Variants in CA5B observed in about 807,000 individuals in gnomAD.
CA5B encodes the protein carbonic anhydrase 5B, mitochondrial.
In CA5B, 15 loss-of-function variants were observed where a neutral mutation model predicts 23.1. The ratio of observed to expected loss-of-function variants is 0.65; its 90% CI spans 0.43 to 1.00. The LOEUF (loss-of-function observed/expected upper bound fraction) is 1.00, where lower values mean the gene tolerates loss of function less well. Ranked by LOEUF, CA5B falls within the 50% of genes least tolerant of loss-of-function variation. The pLI is 0.00. For missense variants in CA5B, 236 were observed against 252.2 expected, an observed-to-expected ratio of 0.94 and a Z score of 0.43; for synonymous variants, 84 against 98.5, an observed-to-expected ratio of 0.85 and a Z score of 0.87.
intron 7 of CA5B, among the ~76,000 whole-genome samples, chrX:15,779,938 A>G: frequency 8.9e-6 from 1 of 112,295 alleles, no homozygotes; most frequent in South Asian, 3.7e-4. Context: ...GATTTCAACA[A>G]AATTTTAAAA....
At chrX:15,777,927 G>A (rs1040719772) in intron 7 of CA5B, among the ~76,000 whole-genome samples, 1 of 110,789 alleles carries the variant, frequency 9.0e-6, no homozygotes. Context: ...GAAGTAGCCA[G>A]TACAGTTAGA....
chrX:15,752,541 C>A (rs923991257), intron 2 of CA5B, among the ~76,000 whole-genome samples: 4 of 109,855 alleles, frequency 3.6e-5, no homozygotes, highest in Non-Finnish European at 5.7e-5. Flanking sequence ...CTGGCTAACA[C>A]GGTGAAACCC....
chrX:15,739,061 G>A (rs1446368957), intron 1 of CA5B, among the ~76,000 whole-genome samples: 1 of 112,436 alleles, frequency 8.9e-6, no homozygotes, highest in Non-Finnish European at 1.9e-5. Flanking sequence ...GGCATTCAAT[G>A]TTAAATGCTT....
At chrX:15,741,075 C>A (rs772163347) in intron 1 of CA5B, among the ~76,000 whole-genome samples, 12 of 104,993 alleles carry the variant, frequency 1.1e-4, no homozygotes, top group Non-Finnish European at 2.2e-4. Context: ...TTTTCTTTTT[C>A]TTTTTTTTTT....
chrX:15,752,681 C>G (rs5936039), intron 2 of CA5B, among the ~76,000 whole-genome samples: 1 of 107,924 alleles, frequency 9.3e-6, no homozygotes, highest in Non-Finnish European at 1.9e-5. Context: ...GCCGAGATCG[C>G]GCCACTGCAC....
At chrX:15,749,017 G>A (rs1185525628) in intron 1 of CA5B, among the ~76,000 whole-genome samples, 1 of 112,434 alleles carries the variant, frequency 8.9e-6, no homozygotes, top group Non-Finnish European at 1.9e-5. Context: ...CAGGCCCAGA[G>A]CACATGGCCT....
intron 2 of CA5B, among the ~76,000 whole-genome samples, chrX:15,759,645 A>T (rs5936040): frequency 0.33 from 36,028 of 108,211 alleles, 4,455 homozygotes; most frequent in East Asian, 0.43. Context: ...ACCTAGGACT[A>T]CTCATATAAA....
In CA5B at chrX:15,777,189, A is replaced by T. The variant is rs1218178734; in HGVS notation, c.774+320A>T. On this transcript the variant is annotated intron_variant, in intron 7 of 7. Transcript: ENST00000318636. The stretch of plus-strand genomic sequence containing the variant: ...AAGACCCTTTTAAAGGGAAGAGTGA[A>T]GGCTGGAAATGAATGTGTTCAAAAC... Among the ~76,000 whole-genome samples the T allele has an allele frequency of 3.6e-5, 4 of 112,189 alleles. No homozygotes were observed. The Admixed American group carries it at 3.8e-4, about 11-fold the overall frequency.
intron 1 of CA5B, 84 bp from the exon 2 acceptor site, chrX:15,749,887 G>A: frequency 1.4e-6 from 1 of 735,932 alleles, no homozygotes; most frequent in Admixed American, 3.0e-5. Context: ...CTGCTAGTCT[G>A]AATATTGTCC....
Position 15,749,978 on chromosome X carries a change from A to T in CA5B, c.-46A>T. The T allele has an allele frequency of 8.3e-7, 1 of 1,198,703 alleles. No individual in the cohort carries two copies. The highest frequency in any genetic ancestry group is 3.0e-5 in the East Asian group (1 of 33,750). Reference sequence around the variant, plus strand: ...CTGCCCTCATCCCTCTAGATTATTAAGTTCCTGCAACTTAACTGGGAACTG... The same window carrying T: ...CTGCCCTCATCCCTCTAGATTATTATGTTCCTGCAACTTAACTGGGAACTG... On this transcript the variant is annotated 5_prime_UTR_variant, in exon 2 of 8. It adds an upstream start codon to the 5' untranslated region. Transcript: ENST00000318636.
intron 7 of CA5B, among the ~76,000 whole-genome samples, chrX:15,778,751 AAG>A (rs762557468): frequency 4.6e-5 from 5 of 109,562 alleles, no homozygotes; most frequent in Admixed American, 9.8e-5. Context: ...ATGGTGGCAG[AAG>A]AGAGAGAGAG....
intron 2 of CA5B, among the ~76,000 whole-genome samples, chrX:15,759,114 C>T (rs2316880): frequency 0.36 from 39,601 of 109,942 alleles, 5,304 homozygotes; most frequent in Admixed American, 0.43. Flanking sequence ...TAATGGGAGC[C>T]AGCCCTGAGC....
intron 3 of CA5B, chrX:15,768,710 G>A (rs1416055306): frequency 2.7e-5 from 3 of 110,341 alleles, no homozygotes; most frequent in South Asian, 7.7e-4. Context: ...ACAATCAATA[G>A]CATGCAAAGA....
rs766677217 is a variant in CA5B at position 15,776,883 on chromosome X, A to G, written c.774+14A>G. The G allele has an allele frequency of 1.4e-5, 17 of 1,190,749 alleles. No individual in the cohort carries two copies. Among genetic ancestry groups the G allele is most frequent in the African/African-American group, 7.0e-5 (4 of 56,848 alleles). On this transcript the variant is annotated intron_variant, in intron 7 of 7. Coordinates refer to ENST00000318636, the MANE Select transcript of CA5B (RefSeq NM_007220.4). ...GATCATGATCAGGTATGTTCTCTCC[A>G]TAATTTCAATCTAAGGAAATCCTTG...
chrX:15,749,167 A>G (rs1049388917), intron 1 of CA5B, among the ~76,000 whole-genome samples: 5 of 110,417 alleles, frequency 4.5e-5, no homozygotes, highest in African/African-American at 1.7e-4. Flanking sequence ...TTTTTTTTTC[A>G]AAATTTCAGA....
At chrX:15,747,519 G>T (rs769955609) in intron 1 of CA5B, among the ~76,000 whole-genome samples, 2 of 109,720 alleles carry the variant, frequency 1.8e-5, no homozygotes, top group Admixed American at 9.8e-5. Flanking sequence ...ATGGCAGGAG[G>T]GGGGGTAGAA....
chrX:15,778,773 A>G (rs1295038140), intron 7 of CA5B, among the ~76,000 whole-genome samples: 1 of 110,354 alleles, frequency 9.1e-6, no homozygotes, highest in Non-Finnish European at 1.9e-5. Flanking sequence ...GAGATGGGGG[A>G]AGTGCCACAC....
Position 15,788,409 on chromosome X carries a change from G to A in CA5B, c.*5745G>A, listed in dbSNP as rs946902844. On this transcript the variant is annotated 3_prime_UTR_variant, in exon 8 of 8. Transcript: ENST00000318636. ...TCACAATAAAAGGGTTATGAGATGG[G>A]AACTATTATTACTATCTTGATTTTT... The A allele has an allele frequency of 1.8e-5, 2 of 111,779 alleles. No homozygotes were observed. Among genetic ancestry groups the A allele is most frequent in the African/African-American group, 6.5e-5 (2 of 30,734 alleles). The allele number at this position is 111,779 out of a possible 1,213,427, so 9.2% of individuals were successfully genotyped here.
At chrX:15,741,408 A>G (rs1394917064) in intron 1 of CA5B, among the ~76,000 whole-genome samples, 1 of 103,587 alleles carries the variant, frequency 9.7e-6, no homozygotes, top group Middle Eastern at 5.0e-3. Flanking sequence ...AAAAAATCCC[A>G]TTTGATTAGA....
Sources: allele counts gnomAD v4.1 joint callset (sites outside exome capture counted in the v4.1 genomes callset), GRCh38; gene constraint gnomAD v4.1.1; transcripts MANE v1.5; gene names NCBI Gene and HGNC (gene_info 2026-07-23, HGNC 2026-07-21).